Variants in KCNQ5 observed in about 807,000 individuals in gnomAD.
KCNQ5 encodes potassium voltage-gated channel subfamily Q member 5, also known as potassium voltage-gated channel subfamily KQT member 5.
A neutral mutation model predicts 98.2 loss-of-function variants in KCNQ5; 30 were observed. The observed-to-expected ratio is 0.31, with a 90% CI of 0.23 to 0.41. The LOEUF is 0.41. Among genes scored for constraint, KCNQ5 ranks in the 10% least tolerant of loss-of-function variants. KCNQ5 has a pLI of 1.00. For synonymous variants in KCNQ5, 458 were observed against 449.4 expected (o/e 1.02, Z -0.24); for missense variants, 835 against 1,182.5 (o/e 0.71, Z 4.31).
intron 10 of KCNQ5, among the ~76,000 whole-genome samples, chr6:73,148,059 ATG>A (rs1428087673): frequency 6.6e-6 from 1 of 152,196 alleles, no homozygotes; most frequent in East Asian, 1.9e-4. Context: ...ACAAATTTTA[ATG>A]TGTTTTTCTT....
At chr6:73,149,099 T>A (rs1389133312) in intron 10 of KCNQ5, among the ~76,000 whole-genome samples, 1 of 152,176 alleles carries the variant, frequency 6.6e-6, no homozygotes, top group Non-Finnish European at 1.5e-5. Flanking sequence ...CTTTTCAAGC[T>A]ATGGTAGAGT....
intron 1 of KCNQ5, among the ~76,000 whole-genome samples, chr6:72,837,723 T>C (rs1383140135): frequency 1.3e-5 from 2 of 152,184 alleles, no homozygotes; most frequent in Non-Finnish European, 2.9e-5. Flanking sequence ...ATCAGAGAAG[T>C]CATGTTATAT....
chr6:72,986,999 A>C (rs1401615040), intron 1 of KCNQ5: 1 of 776,414 alleles, frequency 1.3e-6, no homozygotes, highest in Non-Finnish European at 2.2e-6. Context: ...AGAAGAAAAC[A>C]AAAATCCACC....
chr6:72,828,503 C>T (rs1365757896), intron 1 of KCNQ5, among the ~76,000 whole-genome samples: 1 of 151,784 alleles, frequency 6.6e-6, no homozygotes, highest in African/African-American at 2.4e-5. Context: ...AATGAGATTG[C>T]CTTCTTGATT....
intron 11 of KCNQ5, among the ~76,000 whole-genome samples, chr6:73,175,161 T>G (rs1778164069): frequency 6.6e-6 from 1 of 152,110 alleles, no homozygotes; most frequent in Non-Finnish European, 1.5e-5. Context: ...AGCAGTTTTT[T>G]TTTTTTGAAA....
chr6:72,708,932 A>G (rs1769223472), intron 1 of KCNQ5, among the ~76,000 whole-genome samples: 1 of 152,202 alleles, frequency 6.6e-6, no homozygotes, highest in Admixed American at 6.5e-5. Context: ...GGTTCCTACC[A>G]TGATATGGTG....
At chr6:72,888,366 T>G (rs1778929067) in intron 1 of KCNQ5, among the ~76,000 whole-genome samples, 2 of 152,170 alleles carry the variant, frequency 1.3e-5, no homozygotes, top group Admixed American at 6.5e-5. Flanking sequence ...CTGCAAGTAC[T>G]TTAATATGAC....
chr6:73,088,142 C>T (rs12195583), intron 5 of KCNQ5, among the ~76,000 whole-genome samples: 111,643 of 151,278 alleles, frequency 0.74, 44,987 homozygotes, highest in Non-Finnish European at 0.89. Flanking sequence ...CTGCCTCACC[C>T]TCCTGAGTAG....
At chr6:72,718,472 G>A (rs1462560322) in intron 1 of KCNQ5, among the ~76,000 whole-genome samples, 38 of 17,380 alleles carry the variant, frequency 2.2e-3, no homozygotes, top group African/African-American at 6.1e-3. Context: ...TTTTTTTTTT[G>A]ACAGAGTCTC....
intron 1 of KCNQ5, among the ~76,000 whole-genome samples, chr6:72,762,205 G>A (rs1290018002): frequency 6.6e-6 from 1 of 152,020 alleles, no homozygotes; most frequent in African/African-American, 2.4e-5. Context: ...TATCTGGGGG[G>A]AAGGAAAGGA....
At chr6:72,953,532 G>C (rs1000175956) in intron 1 of KCNQ5, among the ~76,000 whole-genome samples, 1 of 152,144 alleles carries the variant, frequency 6.6e-6, no homozygotes, top group African/African-American at 2.4e-5. Context: ...ATACTAACCT[G>C]TAACCTCTGT....
intron 10 of KCNQ5, chr6:73,134,018 TCTGTGAA>T (rs1776354809): frequency 2.1e-6 from 1 of 474,960 alleles, no homozygotes; most frequent in Admixed American, 2.4e-5. Flanking sequence ...AGGTGCTTGC[TCTGTGAA>T]TATCTTGAAA....
Position 73,190,669 on chromosome 6 carries a change from G to C in KCNQ5, c.1674G>C (p.Leu558=), listed in dbSNP as rs749927348. Residue 558 remains leucine (L), a synonymous_variant, in exon 12 of 14, where the codon CTG becomes CTC. Coordinates refer to ENST00000370398, the MANE Select transcript of KCNQ5 (RefSeq NM_019842.4). ...TTGAACAATATTCTGCTGGTCATCTGGACATGTTGTGTAGAATTAAAAGCC... is the reference window on the plus strand; with the variant it reads ...TTGAACAATATTCTGCTGGTCATCTCGACATGTTGTGTAGAATTAAAAGCC... The part of the protein sequence containing the change: ...DVIEQYSAGH[L]DMLCRIKSLQ... 6.3e-7 allele frequency: 1 copy of C among 1,595,288 alleles called. No individual in the cohort carries two copies. The highest frequency in any genetic ancestry group is 1.1e-5 in the South Asian group (1 of 87,470).
intron 1 of KCNQ5, among the ~76,000 whole-genome samples, chr6:72,995,107 G>A (rs888836531): frequency 1.3e-5 from 2 of 152,092 alleles, no homozygotes; most frequent in African/African-American, 4.8e-5. Context: ...AGTGGCTCAT[G>A]CCTGTAATCC....
At chr6:72,630,704 A>T (rs2098920341) in intron 1 of KCNQ5, 1 of 152,190 alleles carries the variant, frequency 6.6e-6, no homozygotes. Context: ...ATAATGTTTA[A>T]TATATACATA....
intron 1 of KCNQ5, among the ~76,000 whole-genome samples, chr6:72,838,925 G>A (rs1776649774): frequency 7.6e-6 from 1 of 131,130 alleles, no homozygotes; most frequent in Admixed American, 8.1e-5. Flanking sequence ...ACTCCAGCCT[G>A]GGCGACAGAG....
At chr6:72,892,049 T>C (rs1779077449) in intron 1 of KCNQ5, among the ~76,000 whole-genome samples, 1 of 152,170 alleles carries the variant, frequency 6.6e-6, no homozygotes, top group African/African-American at 2.4e-5. Flanking sequence ...CTAATCCCCA[T>C]GTAAGAGGCT....
chr6:73,011,320 A>G (rs140511655), intron 2 of KCNQ5, among the ~76,000 whole-genome samples: 1 of 152,268 alleles, frequency 6.6e-6, no homozygotes, highest in African/African-American at 2.4e-5. Flanking sequence ...GGAATAGAAT[A>G]GAAAGTCCAG....
intron 1 of KCNQ5, chr6:72,987,096 T>G (rs1768816910): frequency 3.0e-6 from 2 of 662,718 alleles, no homozygotes; most frequent in Middle Eastern, 5.5e-4. Context: ...GAAGCCAAAG[T>G]TGAGGCTCCG....
Sources: allele counts gnomAD v4.1 joint callset (sites outside exome capture counted in the v4.1 genomes callset), GRCh38; gene constraint gnomAD v4.1.1; transcripts MANE v1.5; gene names NCBI Gene and HGNC (gene_info 2026-07-23, HGNC 2026-07-21).